ZNF431: variants seen among roughly 807,000 people sequenced by gnomAD.
ZNF431 encodes the protein zinc finger protein 431.
In ZNF431, 34 loss-of-function variants were observed where a neutral mutation model predicts 57.0. The observed-to-expected ratio is 0.60, with a 90% CI of 0.45 to 0.79. The LOEUF is 0.79. ZNF431 is among the 30% of genes least tolerant of loss of function. The probability of loss-of-function intolerance (pLI) is 0.00; values close to 1 mark genes in which losing one functional copy is unlikely to be tolerated. For missense variants in ZNF431, 607 were observed against 667.1 expected, an observed-to-expected ratio of 0.91 and a Z score of 0.99; for synonymous variants, 207 against 220.3, an observed-to-expected ratio of 0.94 and a Z score of 0.54.
intron 3 of ZNF431, 123 bp downstream of exon 3, chr19:21,166,584 A>G: frequency 8.5e-7 from 1 of 1,171,052 alleles, no homozygotes; most frequent in Non-Finnish European, 1.2e-6. Context: ...GTTTTCAAGA[A>G]AATCTTGATG....
rs11882130 is a variant in ZNF431, at chr19:21,190,147, C to T, written c.*6113C>T. 3,741 of 358,458 alleles carry T rather than the reference C, an allele frequency of 0.01. 123 individuals carry two copies. The highest frequency in any genetic ancestry group is 0.069 in the African/African-American group (3,306 of 47,816). 22.2% of individuals were successfully genotyped at this position (358,458 alleles called of 1,614,324 possible). On this transcript the variant is annotated 3_prime_UTR_variant, in exon 5 of 5. Coordinates refer to ENST00000311048, the MANE Select transcript of ZNF431 (RefSeq NM_133473.4). ...TCATGCCACTGCACTCCATCCTGGG[C>T]AACAGAGTGAGACTCGGTCTCAAGA...
At chr19:21,170,326 C>A (rs1970847497) in intron 4 of ZNF431, among the ~76,000 whole-genome samples, 1 of 152,108 alleles carries the variant, frequency 6.6e-6, no homozygotes, top group Non-Finnish European at 1.5e-5. Context: ...TCAGGGATGA[C>A]TGAATAAATT....
At chr19:21,150,255 T>C in intron 2 of ZNF431, 1 of 510,282 alleles carries the variant, frequency 2.0e-6, no homozygotes, top group Non-Finnish European at 3.7e-6. Context: ...TCTTTGCTGC[T>C]GCAACCTGAT....
In ZNF431 at chr19:21,184,134, A is replaced by ATG; in HGVS notation, c.*100_*101insTG. 3 of 1,049,354 alleles carry ATG rather than the reference A, an allele frequency of 2.9e-6. No homozygotes were observed. The highest frequency in any genetic ancestry group is 4.1e-6 in the Non-Finnish European group (3 of 733,872). The allele number at this position is 1,049,354 out of a possible 1,614,324, so 65.0% of individuals were successfully genotyped here. On this transcript the variant is annotated 3_prime_UTR_variant, in exon 5 of 5. Coordinates refer to ENST00000311048, the MANE Select transcript of ZNF431 (RefSeq NM_133473.4). ...TGGGAGGCTGAGGTGGGTGGATCACAAGGTCAAGAGATCGAGACCATCCTG... is the reference window on the plus strand; with the variant it reads ...TGGGAGGCTGAGGTGGGTGGATCACATGAGGTCAAGAGATCGAGACCATCCTG...
At chr19:21,176,662 A>G (rs1971060022) in intron 4 of ZNF431, among the ~76,000 whole-genome samples, 1 of 151,798 alleles carries the variant, frequency 6.6e-6, no homozygotes, top group Admixed American at 6.6e-5. Flanking sequence ...CATTCTGTAG[A>G]TCGTCTGTTC....
At chr19:21,149,916 T>A in intron 2 of ZNF431, 1 of 615,294 alleles carries the variant, frequency 1.6e-6, no homozygotes, top group Non-Finnish European at 3.0e-6. Context: ...GGGACTCCCC[T>A]TTTATGACAC....
At chr19:21,173,859 C>T (rs1568310289) in intron 4 of ZNF431, among the ~76,000 whole-genome samples, 1 of 152,010 alleles carries the variant, frequency 6.6e-6, no homozygotes, top group East Asian at 1.9e-4. Context: ...CTCTACAAAT[C>T]ATTAATTTTG....
At chr19:21,152,108 A>G (rs1301619904) in intron 2 of ZNF431, among the ~76,000 whole-genome samples, 1 of 152,246 alleles carries the variant, frequency 6.6e-6, no homozygotes, top group Non-Finnish European at 1.5e-5. Flanking sequence ...TTAACAACCA[A>G]TATGAAACTG....
rs886315807 is a variant in ZNF431 at position 21,190,903 on chromosome 19, A to G, written c.*6869A>G. The G allele has an allele frequency of 2.6e-5, 4 of 151,794 alleles. No homozygotes were observed. Among genetic ancestry groups the G allele is most frequent in the African/African-American group, 4.8e-5 (2 of 41,430 alleles). 9.4% of individuals were successfully genotyped at this position (151,794 alleles called of 1,614,324 possible). On this transcript the variant is annotated 3_prime_UTR_variant, in exon 5 of 5. Transcript: ENST00000311048. Reference sequence around the variant, plus strand: ...CTCGAACTTCTGACCTCTGGTGCCCACCTCAGCCTCCCAAAGTGCTGAGAT... The same window carrying G: ...CTCGAACTTCTGACCTCTGGTGCCCGCCTCAGCCTCCCAAAGTGCTGAGAT...
chr19:21,143,422 C>G lies in ZNF431; in HGVS notation c.4-129C>G, dbSNP rs542289195. 1.1e-3 allele frequency: 752 copies of G among 706,820 alleles called. 3 individuals carry two copies. The highest frequency in any genetic ancestry group is 5.8e-3 in the South Asian group (350 of 60,642). The allele number at this position is 706,820 out of a possible 1,614,324, so 43.8% of individuals were successfully genotyped here. On this transcript the variant is annotated intron_variant, in intron 1 of 4. Coordinates refer to ENST00000311048, the MANE Select transcript of ZNF431 (RefSeq NM_133473.4). ...GAAACTTTATGGGGTGATGTGTCCT[C>G]AGCCACCTTTTAGTTTTTTTCTGGT...
At position 21,183,641 on chromosome 19, in the gene ZNF431, T is replaced by A; in HGVS notation, c.1338T>A (p.His446Gln). The A allele has an allele frequency of 6.2e-7, 1 of 1,613,402 alleles. No homozygotes were observed. Among genetic ancestry groups the A allele is most frequent in the East Asian group, 2.2e-5 (1 of 44,820 alleles). Residue 446 changes from histidine to glutamine, a missense_variant, in exon 5 of 5, where the codon CAT becomes CAA. Physicochemically the swap from His to Gln is conservative, Grantham distance 24. Transcript: ENST00000311048. ...AFNRSPQLTA[H>Q]KIIHTGEKPY... ...ACCGGTCCCCACAACTTACTGCACATAAGATAATTCATACTGGAGAGAAAC... is the reference window on the plus strand; with the variant it reads ...ACCGGTCCCCACAACTTACTGCACAAAAGATAATTCATACTGGAGAGAAAC...
intron 2 of ZNF431, among the ~76,000 whole-genome samples, chr19:21,145,526 A>T (rs1970062078): frequency 6.6e-6 from 1 of 151,998 alleles, no homozygotes; most frequent in African/African-American, 2.4e-5. Flanking sequence ...TTTTCTGGGG[A>T]TCCTCCCCTG....
chr19:21,150,149 G>C (rs1970230170), intron 2 of ZNF431: 1 of 607,916 alleles, frequency 1.6e-6, no homozygotes, highest in African/African-American at 1.9e-5. Context: ...GTACTTGTAG[G>C]CTAGCTTAAG....
chr19:21,142,049 C>G lies in ZNF431; in HGVS notation c.-135C>G. 2 of 1,194,854 alleles carry G rather than the reference C, an allele frequency of 1.7e-6. No homozygotes were observed. The highest frequency in any genetic ancestry group is 1.3e-5 in the South Asian group (1 of 74,384). The allele number at this position is 1,194,854 out of a possible 1,614,324, so 74.0% of individuals were successfully genotyped here. On this transcript the variant is annotated 5_prime_UTR_variant, in exon 1 of 5. Transcript: ENST00000311048. ...ATGTGGCGGGGCCTTTGTCTCTCGCCGCAGCCTGAGCTCCAGGTCTCCCCT... is the reference window on the plus strand; with the variant it reads ...ATGTGGCGGGGCCTTTGTCTCTCGCGGCAGCCTGAGCTCCAGGTCTCCCCT...
intron 2 of ZNF431, among the ~76,000 whole-genome samples, chr19:21,159,824 T>C (rs1970523214): frequency 6.6e-6 from 1 of 152,184 alleles, no homozygotes; most frequent in South Asian, 2.1e-4. Context: ...TTAGGCTATT[T>C]ATTACTAATT....
chr19:21,150,924 G>C (rs1970253735), intron 2 of ZNF431, among the ~76,000 whole-genome samples: 2 of 146,866 alleles, frequency 1.4e-5, no homozygotes, highest in Middle Eastern at 3.4e-3. Flanking sequence ...AATTTTTGGA[G>C]TTTCATGAGG....
rs772946387 is a variant in ZNF431, at chr19:21,187,061, A to G, written c.*3027A>G. The G allele has an allele frequency of 6.6e-6, 1 of 152,210 alleles. No individual in the cohort carries two copies. Among genetic ancestry groups the G allele is most frequent in the African/African-American group, 2.4e-5 (1 of 41,454 alleles). The allele number at this position is 152,210 out of a possible 1,614,324, so 9.4% of individuals were successfully genotyped here. Reference sequence around the variant, plus strand: ...TGTAATAGATTATCCATAATAATTCATAAATATTCCTGCTGAAGTTAGTTT... The same window carrying G: ...TGTAATAGATTATCCATAATAATTCGTAAATATTCCTGCTGAAGTTAGTTT... On this transcript the variant is annotated 3_prime_UTR_variant, in exon 5 of 5. Transcript: ENST00000311048.
rs151066009 is a variant in ZNF431, at chr19:21,184,213, G to T, written c.*179G>T. The T allele has an allele frequency of 5.4e-4, 290 of 536,272 alleles. No homozygotes were observed. In the East Asian group the frequency reaches 8.4e-3, roughly 16 times the overall value. The allele number at this position is 536,272 out of a possible 1,614,324, so 33.2% of individuals were successfully genotyped here. A position where few individuals can be genotyped will look rare whatever the true frequency, so the allele number is the denominator to read the frequency against. ...AAAAATACAAAAATTATCTGGGTGT[G>T]GTGGCACGTGCCTGTATTCCCATCT... On this transcript the variant is annotated 3_prime_UTR_variant, in exon 5 of 5. Transcript: ENST00000311048.
In ZNF431 at chr19:21,190,233, C is replaced by T. The variant is rs1599630864; in HGVS notation, c.*6199C>T. 1 of 198,448 alleles carries T rather than the reference C, an allele frequency of 5.0e-6. No individual in the cohort carries two copies. The highest frequency in any genetic ancestry group is 1.1e-4 in the East Asian group (1 of 9,094). The allele number at this position is 198,448 out of a possible 1,614,324, so 12.3% of individuals were successfully genotyped here. A position where few individuals can be genotyped will look rare whatever the true frequency, so the allele number is the denominator to read the frequency against. ...ATAGTATTCCATTATGTATATCAAC[C>T]ACATTGTCTTTATTTACTCATTAGA... On this transcript the variant is annotated 3_prime_UTR_variant, in exon 5 of 5. Coordinates refer to ENST00000311048, the MANE Select transcript of ZNF431 (RefSeq NM_133473.4).
Sources: allele counts gnomAD v4.1 joint callset (sites outside exome capture counted in the v4.1 genomes callset), GRCh38; gene constraint gnomAD v4.1.1; transcripts MANE v1.5; gene names NCBI Gene and HGNC (gene_info 2026-07-23, HGNC 2026-07-21).